The following RASSF3 variants were observed in gnomAD, a reference collection of about 807,000 sequenced individuals.
RASSF3 encodes ras association domain-containing protein 3.
A neutral mutation model predicts 19.9 loss-of-function variants in RASSF3; 19 were observed. That is an observed-to-expected ratio of 0.96 (90% CI 0.67 to 1.40). RASSF3 has a LOEUF of 1.40. RASSF3 is among the 40% of genes most tolerant of loss of function. The pLI, the probability that RASSF3 is intolerant of heterozygous loss-of-function variation, is 0.00. For missense variants in RASSF3, 306 were observed against 289.8 expected (o/e 1.06, Z -0.41); for synonymous variants, 110 against 104.2 (o/e 1.06, Z -0.34).
In RASSF3 at chr12:64,696,118, C is replaced by CCTCCCTCCCTCACTCCCTCA. The variant is rs1175074464; in HGVS notation, c.*1210_*1211insCTCCCTCACTCCCTCACTCC. On this transcript the variant is annotated 3_prime_UTR_variant, in exon 5 of 5. Coordinates refer to ENST00000542104, the MANE Select transcript of RASSF3 (RefSeq NM_178169.4). ...CCCTCCCTCCCTCCCTCCCTCCCTC[C>CCTCCCTCCCTCACTCCCTCA]CTCCTTCCCTCCCTCTCTCTCCCTC... 1.1e-5 allele frequency: 1 copy of CCTCCCTCCCTCACTCCCTCA among 89,756 alleles called. No homozygotes were observed. The highest frequency in any genetic ancestry group is 2.2e-5 in the Non-Finnish European group (1 of 45,828). The allele number at this position is 89,756 out of a possible 1,614,324, so 5.6% of individuals were successfully genotyped here.
At chr12:64,592,073 G>A (rs1869935394) in intron 2 of RASSF3, among the ~76,000 whole-genome samples, 2 of 151,858 alleles carry the variant, frequency 1.3e-5, no homozygotes, top group African/African-American at 4.8e-5. Context: ...GCTAATTTTT[G>A]TAATTTTTGT....
chr12:64,541,494 G>T (rs1868933020), intron 1 of RASSF3: 1 of 397,110 alleles, frequency 2.5e-6, no homozygotes, highest in Admixed American at 4.4e-5. Context: ...TTTTGAGCAG[G>T]GGAGGGGGTT....
At chr12:64,626,826 A>G (rs1191651332) in intron 1 of RASSF3, among the ~76,000 whole-genome samples, 1 of 152,212 alleles carries the variant, frequency 6.6e-6, no homozygotes, top group Non-Finnish European at 1.5e-5. Context: ...TGGCCTCCCA[A>G]AGTGTTAGGA....
upstream of RASSF3, among the ~76,000 whole-genome samples, chr12:64,608,638 A>C (rs1870236481): frequency 6.6e-6 from 1 of 152,240 alleles, no homozygotes; most frequent in Non-Finnish European, 1.5e-5. Flanking sequence ...AGTATTCATA[A>C]ACTTCAACTT....
chr12:64,675,182 C>G (rs1366728256), intron 1 of RASSF3, among the ~76,000 whole-genome samples: 1 of 151,540 alleles, frequency 6.6e-6, no homozygotes, highest in Non-Finnish European at 1.5e-5. Flanking sequence ...CTGCTCACTT[C>G]AATGAAAAAT....
upstream of RASSF3, chr12:64,609,434 C>G (rs940624494): frequency 6.6e-6 from 1 of 152,212 alleles, no homozygotes; most frequent in African/African-American, 2.4e-5. Context: ...TCTTTTCTAA[C>G]GTCTCTCTTC....
At chr12:64,641,798 A>C (rs918231241) in intron 1 of RASSF3, among the ~76,000 whole-genome samples, 1 of 150,622 alleles carries the variant, frequency 6.6e-6, no homozygotes, top group Non-Finnish European at 1.5e-5. Flanking sequence ...GCTAGAGTGC[A>C]GTAGTGTGAT....
intron 1 of RASSF3, among the ~76,000 whole-genome samples, chr12:64,625,170 A>G (rs1303733543): frequency 2.6e-5 from 4 of 152,116 alleles, no homozygotes; most frequent in Admixed American, 6.6e-5. Context: ...GGGAATCTCA[A>G]TGTAATTGAT....
intron 1 of RASSF3, among the ~76,000 whole-genome samples, chr12:64,519,191 G>T (rs1014193438): frequency 2.6e-5 from 4 of 152,262 alleles, no homozygotes; most frequent in Non-Finnish European, 4.4e-5. Flanking sequence ...CTTGAGTCCA[G>T]TAGTTCAAGA....
At chr12:64,537,334 T>G (rs1868849869) in intron 1 of RASSF3, among the ~76,000 whole-genome samples, 1 of 152,154 alleles carries the variant, frequency 6.6e-6, no homozygotes, top group South Asian at 2.1e-4. Flanking sequence ...GCCCCTGCTA[T>G]CCCCTCTGTC....
chr12:64,514,997 A>G (rs1299604113), intron 1 of RASSF3, among the ~76,000 whole-genome samples: 1 of 150,086 alleles, frequency 6.7e-6, no homozygotes, highest in East Asian at 2.0e-4. Flanking sequence ...TCCCAATACA[A>G]TTTTTCATAT....
At chr12:64,644,600 G>A (rs1394938812) in intron 1 of RASSF3, among the ~76,000 whole-genome samples, 1 of 152,088 alleles carries the variant, frequency 6.6e-6, no homozygotes, top group Non-Finnish European at 1.5e-5. Context: ...GGGAGGCTAA[G>A]GTGGGAAGAT....
chr12:64,577,463 G>A (rs1422699668), intron 2 of RASSF3, among the ~76,000 whole-genome samples: 1 of 152,226 alleles, frequency 6.6e-6, no homozygotes, highest in Non-Finnish European at 1.5e-5. Flanking sequence ...GGGTTTGGTG[G>A]CTCATGCCTA....
At chr12:64,572,869 A>G (rs925625439) in intron 2 of RASSF3, among the ~76,000 whole-genome samples, 2 of 152,188 alleles carry the variant, frequency 1.3e-5, no homozygotes, top group African/African-American at 4.8e-5. Flanking sequence ...TTGTTATGTT[A>G]GAGAATTCAA....
intron 1 of RASSF3, among the ~76,000 whole-genome samples, chr12:64,536,022 G>A (rs55766770): frequency 0.35 from 45,365 of 129,856 alleles, 9,389 homozygotes; most frequent in East Asian, 0.67. Context: ...TTTTTGAGAC[G>A]GAGTCTTGCT....
intron 2 of RASSF3, among the ~76,000 whole-genome samples, chr12:64,555,635 G>C (rs1449730418): frequency 6.6e-6 from 1 of 152,074 alleles, no homozygotes; most frequent in Non-Finnish European, 1.5e-5. Context: ...TATAGTCCCA[G>C]CTACTCGGGA....
At chr12:64,669,202 T>A (rs1038466575) in intron 1 of RASSF3, among the ~76,000 whole-genome samples, 2 of 152,222 alleles carry the variant, frequency 1.3e-5, no homozygotes, top group African/African-American at 4.8e-5. Flanking sequence ...TTTGAGTTTC[T>A]GTTTTGTTAG....
chr12:64,690,508 C>T (rs1868265823), intron 3 of RASSF3, among the ~76,000 whole-genome samples: 1 of 151,884 alleles, frequency 6.6e-6, no homozygotes. Flanking sequence ...CAGCGTCTTA[C>T]TCTGTCACCT....
intron 2 of RASSF3, among the ~76,000 whole-genome samples, chr12:64,584,869 CAGA>C (rs1342433451): frequency 1.5e-5 from 2 of 134,974 alleles, no homozygotes; most frequent in South Asian, 2.4e-4. Context: ...TGGAAAAGCA[CAGA>C]AGGATTCTTT....
Sources: allele counts gnomAD v4.1 joint callset (sites outside exome capture counted in the v4.1 genomes callset), GRCh38; gene constraint gnomAD v4.1.1; transcripts MANE v1.5; gene names NCBI Gene and HGNC (gene_info 2026-07-23, HGNC 2026-07-21).